Variants in SLC25A36 observed in about 807,000 individuals in gnomAD.
SLC25A36 encodes epididymis secretory sperm binding protein.
SLC25A36 carries 24 observed loss-of-function variants against 35.3 expected under a neutral mutation model. That is an observed-to-expected ratio of 0.68 (90% CI 0.49 to 0.96). SLC25A36 has a LOEUF of 0.96. Among genes scored for constraint, SLC25A36 ranks in the 40% least tolerant of loss-of-function variants. The pLI, the probability that SLC25A36 is intolerant of heterozygous loss-of-function variation, is 0.00. For synonymous variants in SLC25A36, 141 were observed against 132.2 expected, an observed-to-expected ratio of 1.07 and a Z score of -0.46; for missense variants, 294 against 381.1, an observed-to-expected ratio of 0.77 and a Z score of 1.90.
chr3:140,952,184 T>C (rs772165080), intron 1 of SLC25A36, among the ~76,000 whole-genome samples: 1 of 152,076 alleles, frequency 6.6e-6, no homozygotes, highest in Non-Finnish European at 1.5e-5. Flanking sequence ...GCCCAGCTAA[T>C]TTTTTGTATT....
intron 5 of SLC25A36, 59 bp downstream of exon 5, chr3:140,971,052 C>T: frequency 1.3e-6 from 1 of 752,720 alleles, no homozygotes; most frequent in Non-Finnish European, 2.4e-6. Context: ...TTTTTTTCTA[C>T]AAAGTTTTTC....
chr3:140,968,576 A>G (rs954145573), intron 4 of SLC25A36: 1 of 928,314 alleles, frequency 1.1e-6, no homozygotes, highest in African/African-American at 1.8e-5. Context: ...TACAGAGAAT[A>G]ATTTAAAATT....
chr3:140,971,327 C>T (rs966760655), intron 5 of SLC25A36, among the ~76,000 whole-genome samples: 6 of 152,158 alleles, frequency 3.9e-5, no homozygotes, highest in East Asian at 1.9e-4. Context: ...TAATTGGCCT[C>T]GCAGAAGCTA....
Position 140,977,112 on chromosome 3 carries a change from T to C in SLC25A36, c.*659T>C, listed in dbSNP as rs1204346085. On this transcript the variant is annotated 3_prime_UTR_variant, in exon 7 of 7. Coordinates refer to ENST00000324194, the MANE Select transcript of SLC25A36 (RefSeq NM_001104647.3). ...CATACCAAACACACATGGTAATAGT[T>C]TGGGACAAAATAACTAGTAAAATGT... is the stretch of plus-strand genomic sequence containing the variant. The C allele has an allele frequency of 6.6e-6, 1 of 152,176 alleles. No individual in the cohort carries two copies. The highest frequency in any genetic ancestry group is 1.5e-5 in the Non-Finnish European group (1 of 68,042). 9.4% of individuals were successfully genotyped at this position (152,176 alleles called of 1,614,324 possible). A position where few individuals can be genotyped will look rare whatever the true frequency, so the allele number is the denominator to read the frequency against.
In SLC25A36 at chr3:140,978,476, C is replaced by T. The variant is rs1935108113; in HGVS notation, c.*2023C>T. On this transcript the variant is annotated 3_prime_UTR_variant, in exon 7 of 7. Transcript: ENST00000324194. The stretch of plus-strand genomic sequence containing the variant: ...ATGTAAGATAGAGACTCTCCCTAGT[C>T]TTACTGATCTCAGTACCCCACAAAT... 1 of 152,142 alleles carries T rather than the reference C, an allele frequency of 6.6e-6. No individual in the cohort carries two copies. Among genetic ancestry groups the T allele is most frequent in the South Asian group, 2.1e-4 (1 of 4,824 alleles). 9.4% of individuals were successfully genotyped at this position (152,142 alleles called of 1,614,324 possible).
At chr3:140,976,182 T>A in intron 6 of SLC25A36, 78 bp from the exon 7 acceptor site, 1 of 960,452 alleles carries the variant, frequency 1.0e-6, no homozygotes, top group Non-Finnish European at 1.6e-6. Context: ...TACAGACTGA[T>A]AAATGGGATG....
chr3:140,953,974 GA>G (rs1312477764), intron 1 of SLC25A36, among the ~76,000 whole-genome samples: 1 of 151,686 alleles, frequency 6.6e-6, no homozygotes, highest in African/African-American at 2.4e-5. Flanking sequence ...TATCTCAAAA[GA>G]AAAAAAGAAA....
At chr3:140,946,675 G>T (rs957416128) in intron 1 of SLC25A36, among the ~76,000 whole-genome samples, 3 of 152,134 alleles carry the variant, frequency 2.0e-5, no homozygotes, top group African/African-American at 7.2e-5. Context: ...TAACTCCAGG[G>T]TTTTTAGTTT....
rs1182427285 is a variant in SLC25A36 at position 140,978,092 on chromosome 3, C to A, written c.*1639C>A. The A allele has an allele frequency of 6.6e-6, 1 of 152,024 alleles. No homozygotes were observed. The highest frequency in any genetic ancestry group is 1.9e-4 in the East Asian group (1 of 5,178). The allele number at this position is 152,024 out of a possible 1,614,324, so 9.4% of individuals were successfully genotyped here. A position where few individuals can be genotyped will look rare whatever the true frequency, so the allele number is the denominator to read the frequency against. ...AACATTATAGAATATTGCAGCGTGTCATTGCAAGCTTTCTCTGCTGTCACC... is the reference window on the plus strand; with the variant it reads ...AACATTATAGAATATTGCAGCGTGTAATTGCAAGCTTTCTCTGCTGTCACC... On this transcript the variant is annotated 3_prime_UTR_variant, in exon 7 of 7. Transcript: ENST00000324194.
intron 2 of SLC25A36, 35 bp downstream of exon 2, chr3:140,956,726 T>C (rs773621389): frequency 6.5e-7 from 1 of 1,546,066 alleles, no homozygotes; most frequent in Non-Finnish European, 8.7e-7. Flanking sequence ...TTTTTTAGTT[T>C]GTTTGCGTTA....
At position 140,973,851 on chromosome 3, in the gene SLC25A36, T is replaced by C. The variant is rs201440788; in HGVS notation, c.588T>C (p.Ile196=). The change falls in exon 6 of 7, where the codon ATT becomes ATC. Residue 196 remains isoleucine (I), a synonymous_variant. Coordinates refer to ENST00000324194, the MANE Select transcript of SLC25A36 (RefSeq NM_001104647.3). The part of the protein sequence containing the change: ...GISETVIHFV[I]YESIKQKLLE... Reference sequence around the variant, plus strand: ...CAGAGACTGTTATCCATTTTGTTATTTATGAAAGTATAAAACAAAAACTAC... The same window carrying C: ...CAGAGACTGTTATCCATTTTGTTATCTATGAAAGTATAAAACAAAAACTAC... 5.0e-5 allele frequency: 80 copies of C among 1,613,414 alleles called. No homozygotes were observed. The highest frequency in any genetic ancestry group is 6.5e-5 in the Non-Finnish European group (77 of 1,179,728).
chr3:140,968,117 A>G, intron 4 of SLC25A36: 5 of 984,698 alleles, frequency 5.1e-6, no homozygotes, highest in Non-Finnish European at 6.0e-6. Flanking sequence ...GTTACGATAA[A>G]TTTTTGTTTT....
intron 1 of SLC25A36, among the ~76,000 whole-genome samples, chr3:140,952,165 C>T (rs980890382): frequency 1.3e-5 from 2 of 151,980 alleles, no homozygotes; most frequent in Admixed American, 6.6e-5. Context: ...TACAGGCATG[C>T]ACCACCAGGC....
intron 1 of SLC25A36, 49 bp downstream of exon 1, chr3:140,942,144 G>T (rs1353996418): frequency 2.2e-6 from 1 of 460,128 alleles, no homozygotes; most frequent in Non-Finnish European, 3.3e-6. Context: ...TGCTGGGGCC[G>T]AAGACGCAGG....
Position 140,979,575 on chromosome 3 carries a change from A to G in SLC25A36, c.*3122A>G. The G allele has an allele frequency of 6.6e-6, 1 of 152,168 alleles. No individual in the cohort carries two copies. Among genetic ancestry groups the G allele is most frequent in the South Asian group, 2.1e-4 (1 of 4,834 alleles). The allele number at this position is 152,168 out of a possible 1,614,324, so 9.4% of individuals were successfully genotyped here. A position where few individuals can be genotyped will look rare whatever the true frequency, so the allele number is the denominator to read the frequency against. On this transcript the variant is annotated 3_prime_UTR_variant, in exon 7 of 7. Transcript: ENST00000324194. ...TAAATTTGAGGAATTTTAATACATA[A>G]AATACAATGTACAAACTTTCTGCCC...
chr3:140,979,284 GT>G lies in SLC25A36; in HGVS notation c.*2833del, dbSNP rs1935130152. The G allele has an allele frequency of 1.3e-5, 2 of 152,240 alleles. No homozygotes were observed. The highest frequency in any genetic ancestry group is 3.9e-4 in the East Asian group (2 of 5,184). 9.4% of individuals were successfully genotyped at this position (152,240 alleles called of 1,614,324 possible). A position where few individuals can be genotyped will look rare whatever the true frequency, so the allele number is the denominator to read the frequency against. ...AAAATAATGTTTGCTCTATTACTGG[GT>G]TACAGACATTTCAGCATTTTTAGGT... is the stretch of plus-strand genomic sequence containing the variant. On this transcript the variant is annotated 3_prime_UTR_variant, in exon 7 of 7. Coordinates refer to ENST00000324194, the MANE Select transcript of SLC25A36 (RefSeq NM_001104647.3).
intron 4 of SLC25A36, chr3:140,966,801 T>A (rs946148995): frequency 5.1e-6 from 2 of 391,274 alleles, no homozygotes; most frequent in Admixed American, 3.0e-5. Flanking sequence ...TTTTTTAACT[T>A]AAAATTTTCA....
At position 140,958,960 on chromosome 3, in the gene SLC25A36, TTGTGTGTGTGTGTG is replaced by T. The variant is rs377492880; in HGVS notation, c.207-467_207-454del. Among the ~76,000 whole-genome samples the T allele has an allele frequency of 3.6e-3, 405 of 112,632 alleles. 5 individuals are homozygous for T. The highest frequency in any genetic ancestry group is 0.02 in the East Asian group (74 of 3,680). The allele number at this position is 112,632 out of a possible 152,430, so 73.9% of individuals were successfully genotyped here. A position where few individuals can be genotyped will look rare whatever the true frequency, so the allele number is the denominator to read the frequency against. On this transcript the variant is annotated intron_variant, in intron 2 of 6. Coordinates refer to ENST00000324194, the MANE Select transcript of SLC25A36 (RefSeq NM_001104647.3). ...TGCTATGTCATGAAAAAACAATGTT[TTGTGTGTGTGTGTG>T]TGTGTGTGTGTGTGTGTGTGTGTGT...
intron 2 of SLC25A36, among the ~76,000 whole-genome samples, chr3:140,958,067 G>T (rs1236139111): frequency 6.6e-6 from 1 of 152,070 alleles, no homozygotes; most frequent in Non-Finnish European, 1.5e-5. Flanking sequence ...ATGAAACTGA[G>T]TATGAGAGTA....
Sources: gnomAD v4.1 joint callset for allele counts (sites outside exome capture counted in the v4.1 genomes callset) on GRCh38, gnomAD v4.1.1 for gene constraint, MANE v1.5 for transcripts, NCBI Gene and HGNC (gene_info 2026-07-23, HGNC 2026-07-21) for gene names.